PACRG: variants seen among roughly 807,000 people sequenced by gnomAD.
PACRG encodes parkin coregulated, also known as parkin coregulated gene protein.
In PACRG, 29 loss-of-function variants were observed where a neutral mutation model predicts 29.7. That is an observed-to-expected ratio of 0.98 (90% CI 0.73 to 1.33). PACRG has a LOEUF of 1.33. Among genes scored for constraint, PACRG ranks in the 40% most tolerant of loss-of-function variants. The pLI, the probability that PACRG is intolerant of heterozygous loss-of-function variation, is 0.00. For missense variants in PACRG, 279 were observed against 316.2 expected (o/e 0.88, Z 0.89); for synonymous variants, 116 against 118.7 (o/e 0.98, Z 0.15).
chr6:163,055,637 G>T lies in PACRG; in HGVS notation c.292-6513G>T, dbSNP rs183532326. Among the ~76,000 whole-genome samples the T allele has an allele frequency of 3.8e-4, 58 of 151,944 alleles. 2 individuals are homozygous for T. In the East Asian group the frequency reaches 0.011, roughly 29 times the overall value. ...TGGCAAATTGTTATTCTATTATTTT[G>T]TTGTTATTTGTTTTTTATTGTTTTA... On this transcript the variant is annotated intron_variant, in intron 2 of 4. Transcript: ENST00000366888. This position sits in a 1 kb window ranked among gnomAD's most constrained non-coding sequence, Gnocchi z 4.0.
intron 4 of PACRG, chr6:163,313,695 G>GC (rs1217750994): frequency 2.0e-5 from 3 of 152,138 alleles, no homozygotes; most frequent in African/African-American, 7.2e-5. Flanking sequence ...AAGGTCCCTG[G>GC]CCCCATGGCA....
Position 162,934,345 on chromosome 6 carries a change from G to T in PACRG, c.291+120064G>T, listed in dbSNP as rs1027132825. ...GGGCGGGCGTTAAACTCTTCATGAG[G>T]GATCTGCACCCATGGCTCAAACACC... On this transcript the variant is annotated intron_variant, in intron 2 of 4. Coordinates refer to ENST00000366888, the MANE Select transcript of PACRG (RefSeq NM_001080379.2). Among the ~76,000 whole-genome samples, 11 of 152,046 alleles carry T rather than the reference G, an allele frequency of 7.2e-5. No individual in the cohort carries two copies. The East Asian group carries it at 1.7e-3, about 24-fold the overall frequency.
chr6:163,004,708 G>GTGTA (rs1804886021), intron 2 of PACRG, among the ~76,000 whole-genome samples: 1 of 131,676 alleles, frequency 7.6e-6, no homozygotes, highest in African/African-American at 3.9e-5. Flanking sequence ...TCTAGTGTGT[G>GTGTA]TGTGTGTGTG....
chr6:163,210,644 C>G (rs141586308), intron 4 of PACRG, among the ~76,000 whole-genome samples: 78 of 152,350 alleles, frequency 5.1e-4, no homozygotes, highest in African/African-American at 1.8e-3. Flanking sequence ...GAAGCAGCCA[C>G]TAAATTTCTC....
intron 1 of PACRG, among the ~76,000 whole-genome samples, chr6:162,747,886 A>T (rs1299019891): frequency 6.6e-6 from 1 of 152,124 alleles, no homozygotes; most frequent in African/African-American, 2.4e-5. Context: ...TTAGTCTCCC[A>T]TTAGGAGACA....
chr6:163,027,618 G>A (rs747150396), intron 2 of PACRG, among the ~76,000 whole-genome samples: 58 of 152,218 alleles, frequency 3.8e-4, no homozygotes, highest in Non-Finnish European at 5.6e-4. Flanking sequence ...AGAGCTACAG[G>A]ATATAATAAC....
chr6:163,200,009 G>T (rs542382974), intron 4 of PACRG, among the ~76,000 whole-genome samples: 7 of 152,060 alleles, frequency 4.6e-5, no homozygotes, highest in Non-Finnish European at 8.8e-5. Flanking sequence ...TTATCTTTCT[G>T]CAGACTTGCC....
chr6:162,776,662 G>T (rs945440655), intron 1 of PACRG, among the ~76,000 whole-genome samples: 12 of 152,342 alleles, frequency 7.9e-5, no homozygotes, highest in African/African-American at 2.6e-4. Flanking sequence ...CCTGAGAAGA[G>T]CATTTGGTAG....
intron 3 of PACRG, among the ~76,000 whole-genome samples, chr6:163,066,446 T>C (rs1310241045): frequency 2.6e-5 from 4 of 152,132 alleles, no homozygotes; most frequent in Non-Finnish European, 5.9e-5. Context: ...GAGGACAGTG[T>C]AGTGTGAAAA....
At chr6:163,022,354 A>C (rs2128221375) in intron 2 of PACRG, among the ~76,000 whole-genome samples, 1 of 152,318 alleles carries the variant, frequency 6.6e-6, no homozygotes, top group East Asian at 1.9e-4. Flanking sequence ...TCTCTGGCTG[A>C]GCTCTTTGCT....
At chr6:163,185,243 T>A (rs1359424) in intron 4 of PACRG, among the ~76,000 whole-genome samples, 50,712 of 151,632 alleles carry the variant, frequency 0.33, 9,578 homozygotes, top group Middle Eastern at 0.46. Flanking sequence ...TTTTTACCGA[T>A]AAAAGCAAGT....
intron 1 of PACRG, among the ~76,000 whole-genome samples, chr6:162,792,158 T>C (rs954462541): frequency 6.6e-6 from 1 of 152,074 alleles, no homozygotes; most frequent in Non-Finnish European, 1.5e-5. Context: ...TGCTGAGGCC[T>C]CAGCATACGG....
intron 4 of PACRG, among the ~76,000 whole-genome samples, chr6:163,230,373 T>A (rs1174486250): frequency 6.6e-6 from 1 of 152,220 alleles, no homozygotes; most frequent in East Asian, 1.9e-4. Flanking sequence ...TGCATAGAAT[T>A]TTTTAGTGTA....
intron 2 of PACRG, among the ~76,000 whole-genome samples, chr6:162,886,429 T>C (rs1403272739): frequency 6.6e-6 from 1 of 152,214 alleles, no homozygotes; most frequent in Admixed American, 6.5e-5. Context: ...CATTCTTATG[T>C]ATCCTGTGGA....
intron 2 of PACRG, among the ~76,000 whole-genome samples, chr6:163,052,308 TTG>T (rs1810101444): frequency 6.6e-6 from 1 of 152,168 alleles, no homozygotes; most frequent in South Asian, 2.1e-4. Flanking sequence ...TCAGATTAAT[TTG>T]TGTTTCTGAG....
At chr6:162,791,646 C>A (rs1336165931) in intron 1 of PACRG, among the ~76,000 whole-genome samples, 1 of 152,138 alleles carries the variant, frequency 6.6e-6, no homozygotes, top group Non-Finnish European at 1.5e-5. Context: ...TCTTCCCTTT[C>A]CATTTGTACT....
intron 3 of PACRG, among the ~76,000 whole-genome samples, chr6:163,075,994 G>A (rs1812501529): frequency 6.6e-6 from 1 of 152,172 alleles, no homozygotes; most frequent in Non-Finnish European, 1.5e-5. Flanking sequence ...CCCTGGAAGG[G>A]GCACATTTCA....
intron 4 of PACRG, among the ~76,000 whole-genome samples, chr6:163,153,194 A>T (rs759991841): frequency 6.6e-6 from 1 of 152,212 alleles, no homozygotes; most frequent in Non-Finnish European, 1.5e-5. Flanking sequence ...TTTAAGCATA[A>T]AAGTATAGTC....
intron 4 of PACRG, among the ~76,000 whole-genome samples, chr6:163,140,729 A>G (rs143633944): frequency 2.3e-3 from 355 of 152,366 alleles, no homozygotes; most frequent in Middle Eastern, 0.01. Flanking sequence ...ATAAATTCCT[A>G]TAACAGCATG....
Sources: gnomAD v4.1 joint callset for allele counts (sites outside exome capture counted in the v4.1 genomes callset) on GRCh38, gnomAD v4.1.1 for gene constraint, Gnocchi (gnomAD v3.1) non-coding constraint, MANE v1.5 for transcripts, NCBI Gene and HGNC (gene_info 2026-07-23, HGNC 2026-07-21) for gene names.